LDLRAD3: variants seen among roughly 807,000 people sequenced by gnomAD.
The protein encoded by LDLRAD3 is low density lipoprotein receptor class A domain containing 3.
Under a neutral mutation model 29.4 loss-of-function variants are expected in LDLRAD3, and 20 were observed. That is an observed-to-expected ratio of 0.68 (90% CI 0.48 to 0.99). The LOEUF is 0.99. Ranked by LOEUF, LDLRAD3 falls within the 50% of genes least tolerant of loss-of-function variation. The pLI is 0.00. For synonymous variants in LDLRAD3, 157 were observed against 192.7 expected, an observed-to-expected ratio of 0.81 and a Z score of 1.53; for missense variants, 420 against 454.3, an observed-to-expected ratio of 0.92 and a Z score of 0.69.
chr11:36,093,258 C>T (rs1041010677), intron 3 of LDLRAD3, among the ~76,000 whole-genome samples: 1 of 152,158 alleles, frequency 6.6e-6, no homozygotes, highest in East Asian at 1.9e-4. Context: ...GCATTCCCAA[C>T]ATCCAGTTTC....
At chr11:36,191,459 C>T (rs181187275) in intron 4 of LDLRAD3, among the ~76,000 whole-genome samples, 17 of 151,062 alleles carry the variant, frequency 1.1e-4, no homozygotes, top group Admixed American at 9.9e-4. Flanking sequence ...TGGAGGATTG[C>T]TTGAACCCAG....
intron 4 of LDLRAD3, among the ~76,000 whole-genome samples, chr11:36,218,653 A>G (rs1855385829): frequency 6.6e-6 from 1 of 152,336 alleles, no homozygotes; most frequent in East Asian, 1.9e-4. Context: ...GACAACCCCA[A>G]GTTTTCAAAC....
chr11:36,151,758 A>G (rs1025672880), intron 4 of LDLRAD3, among the ~76,000 whole-genome samples: 1 of 152,230 alleles, frequency 6.6e-6, no homozygotes. Flanking sequence ...TGGCGCTAGC[A>G]TGAATTCTAC....
chr11:36,075,051 CT>C (rs1217803403), intron 2 of LDLRAD3, among the ~76,000 whole-genome samples: 1 of 152,146 alleles, frequency 6.6e-6, no homozygotes, highest in Non-Finnish European at 1.5e-5. Flanking sequence ...CCTAAACTGG[CT>C]GTGCAGACAG....
intron 2 of LDLRAD3, among the ~76,000 whole-genome samples, chr11:36,053,831 T>C (rs1444027858): frequency 6.6e-6 from 1 of 152,132 alleles, no homozygotes; most frequent in Non-Finnish European, 1.5e-5. Context: ...CCTGGAAACA[T>C]TGTATGAGCA....
intron 4 of LDLRAD3, among the ~76,000 whole-genome samples, chr11:36,101,641 G>A (rs1194142473): frequency 6.6e-6 from 1 of 152,122 alleles, no homozygotes; most frequent in African/African-American, 2.4e-5. Context: ...TTCGTAGGGT[G>A]TACACATCTC....
chr11:36,035,800 A>G (rs2281693), intron 1 of LDLRAD3, among the ~76,000 whole-genome samples: 1 of 152,084 alleles, frequency 6.6e-6, no homozygotes, highest in African/African-American at 2.4e-5. Context: ...TGGCCAGAAA[A>G]GAACATTTGG....
chr11:36,138,259 T>C (rs1240211505), intron 4 of LDLRAD3, among the ~76,000 whole-genome samples: 2 of 152,238 alleles, frequency 1.3e-5, no homozygotes, highest in African/African-American at 4.8e-5. Context: ...TAAATGGGAT[T>C]GCTAATAGTA....
intron 1 of LDLRAD3, among the ~76,000 whole-genome samples, chr11:35,995,732 C>T (rs1305151159): frequency 1.3e-5 from 2 of 152,238 alleles, no homozygotes; most frequent in Non-Finnish European, 2.9e-5. Context: ...CTATCTAGAT[C>T]TTTTGGATAA....
intron 4 of LDLRAD3, among the ~76,000 whole-genome samples, chr11:36,111,430 A>AGTTTGACT (rs1419028201): frequency 6.6e-6 from 1 of 151,530 alleles, no homozygotes; most frequent in East Asian, 1.9e-4. Context: ...TTTTGGCCCC[A>AGTTTGACT]GTTTGACTTC....
At chr11:35,990,504 G>C (rs758873177) in intron 1 of LDLRAD3, among the ~76,000 whole-genome samples, 9 of 151,812 alleles carry the variant, frequency 5.9e-5, no homozygotes, top group Non-Finnish European at 1.3e-4. Flanking sequence ...TGCCACCTCT[G>C]TCTCCTGGGT....
chr11:36,104,485 C>T (rs1362570150), intron 4 of LDLRAD3, among the ~76,000 whole-genome samples: 1 of 152,126 alleles, frequency 6.6e-6, no homozygotes, highest in East Asian at 1.9e-4. Flanking sequence ...AGGTGGGCTC[C>T]AATTCTCACT....
At chr11:36,009,019 C>A (rs1851921793) in intron 1 of LDLRAD3, among the ~76,000 whole-genome samples, 1 of 152,154 alleles carries the variant, frequency 6.6e-6, no homozygotes, top group South Asian at 2.1e-4. Flanking sequence ...GGAGACACGG[C>A]TAGATATCTC....
intron 1 of LDLRAD3, among the ~76,000 whole-genome samples, chr11:35,959,526 A>G (rs1851249600): frequency 6.6e-6 from 1 of 152,232 alleles, no homozygotes; most frequent in African/African-American, 2.4e-5. Context: ...TCTTCCGAAT[A>G]GCGTAAAAGA....
chr11:36,180,739 G>A (rs1051321564), intron 4 of LDLRAD3, among the ~76,000 whole-genome samples: 6 of 150,620 alleles, frequency 4.0e-5, no homozygotes, highest in Non-Finnish European at 7.4e-5. Context: ...GACTCTGGCT[G>A]TAATAAGGGG....
At chr11:36,175,646 A>G (rs906110372) in intron 4 of LDLRAD3, among the ~76,000 whole-genome samples, 2 of 152,134 alleles carry the variant, frequency 1.3e-5, no homozygotes, top group Non-Finnish European at 1.5e-5. Flanking sequence ...TCAATTTCCA[A>G]TTTTATTCTG....
At chr11:36,133,909 A>G (rs1353133388) in intron 4 of LDLRAD3, among the ~76,000 whole-genome samples, 1 of 151,948 alleles carries the variant, frequency 6.6e-6, no homozygotes, top group Non-Finnish European at 1.5e-5. Context: ...GTTCTAGTTG[A>G]AAGAACTGAA....
At chr11:36,087,559 T>C (rs958296599) in intron 3 of LDLRAD3, among the ~76,000 whole-genome samples, 1 of 152,178 alleles carries the variant, frequency 6.6e-6, no homozygotes, top group Non-Finnish European at 1.5e-5. Flanking sequence ...TAAATAAAAG[T>C]TAAAGAAGTG....
At chr11:36,074,097 G>T (rs1020172355) in intron 2 of LDLRAD3, among the ~76,000 whole-genome samples, 1 of 152,110 alleles carries the variant, frequency 6.6e-6, no homozygotes, top group Non-Finnish European at 1.5e-5. Context: ...ATGTTCTCCG[G>T]CCTCACTCTT....
Sources: gnomAD v4.1 joint callset for allele counts (sites outside exome capture counted in the v4.1 genomes callset) on GRCh38, gnomAD v4.1.1 for gene constraint, MANE v1.5 for transcripts, NCBI Gene and HGNC (gene_info 2026-07-23, HGNC 2026-07-21) for gene names.